The following ME3 variants were observed in gnomAD, a reference collection of about 807,000 sequenced individuals.
ME3 encodes malic enzyme 3.
Under a neutral mutation model 68.9 loss-of-function variants are expected in ME3, and 48 were observed. That is an observed-to-expected ratio of 0.70 (90% CI 0.55 to 0.89). The LOEUF (loss-of-function observed/expected upper bound fraction) is 0.89. Among genes scored for constraint, ME3 ranks in the 40% least tolerant of loss-of-function variants. ME3 has a pLI of 0.00. For missense variants in ME3, 675 were observed against 797.4 expected (o/e 0.85, Z 1.85); for synonymous variants, 320 against 318.8 (o/e 1.00, Z -0.04).
At chr11:86,665,775 A>G (rs952624375) in intron 2 of ME3, among the ~76,000 whole-genome samples, 1 of 152,188 alleles carries the variant, frequency 6.6e-6, no homozygotes, top group Non-Finnish European at 1.5e-5. Context: ...GCTGGATTCC[A>G]GATTTAGTCT....
chr11:86,659,162 C>T (rs751677149), intron 2 of ME3, among the ~76,000 whole-genome samples: 1 of 152,190 alleles, frequency 6.6e-6, no homozygotes, highest in Non-Finnish European at 1.5e-5. Context: ...CAGAAACGGA[C>T]ACACAGGAGC....
chr11:86,565,952 C>T (rs996059505), intron 2 of ME3, among the ~76,000 whole-genome samples: 30 of 152,234 alleles, frequency 2.0e-4, no homozygotes, highest in African/African-American at 6.5e-4. Context: ...GAATGGGACA[C>T]GTGCAGCCCC....
chr11:86,651,036 G>C (rs895904723), intron 2 of ME3, among the ~76,000 whole-genome samples: 1 of 152,210 alleles, frequency 6.6e-6, no homozygotes, highest in Admixed American at 6.5e-5. Context: ...AGGTGGCAGC[G>C]AGGCTGGGGG....
chr11:86,637,349 C>CAAAAAAAA (rs11402713), intron 2 of ME3, among the ~76,000 whole-genome samples: 3 of 122,078 alleles, frequency 2.5e-5, no homozygotes, highest in Non-Finnish European at 3.4e-5. Context: ...ACAAGAAGCA[C>CAAAAAAAA]AAAAAAAAAA....
chr11:86,650,903 G>T (rs1344242639), intron 2 of ME3, among the ~76,000 whole-genome samples: 5 of 152,192 alleles, frequency 3.3e-5, no homozygotes, highest in Non-Finnish European at 5.9e-5. Context: ...CCCTAATACT[G>T]CACTTTTCCA....
At chr11:86,565,227 A>G (rs1469553295) in intron 2 of ME3, among the ~76,000 whole-genome samples, 4 of 152,176 alleles carry the variant, frequency 2.6e-5, no homozygotes, top group African/African-American at 9.7e-5. Context: ...CCCCTAGGAA[A>G]CAAGTGTTGA....
At chr11:86,660,563 T>G (rs1222862524) in intron 2 of ME3, among the ~76,000 whole-genome samples, 1 of 152,200 alleles carries the variant, frequency 6.6e-6, no homozygotes, top group Non-Finnish European at 1.5e-5. Flanking sequence ...ATTGGAATCT[T>G]AGATTGTTCT....
At chr11:86,541,971 T>C (rs905143094) in intron 4 of ME3, among the ~76,000 whole-genome samples, 1 of 152,176 alleles carries the variant, frequency 6.6e-6, no homozygotes, top group Non-Finnish European at 1.5e-5. Flanking sequence ...GCAGCAATTT[T>C]TGCTGGTCTG....
At chr11:86,448,727 G>GT (rs1949461144) in intron 10 of ME3, among the ~76,000 whole-genome samples, 1 of 152,146 alleles carries the variant, frequency 6.6e-6, no homozygotes, top group African/African-American at 2.4e-5. Context: ...CTCCAGGAAG[G>GT]TCTTAGAATG....
At chr11:86,637,820 A>C (rs894655377) in intron 2 of ME3, among the ~76,000 whole-genome samples, 1 of 152,184 alleles carries the variant, frequency 6.6e-6, no homozygotes. Context: ...TACGGAGACC[A>C]TAGAAATGTC....
intron 2 of ME3, among the ~76,000 whole-genome samples, chr11:86,588,081 G>A (rs547535159): frequency 1.1e-4 from 17 of 152,294 alleles, no homozygotes; most frequent in African/African-American, 3.6e-4. Flanking sequence ...CATATTAATT[G>A]TATGCCTTAC....
chr11:86,623,701 T>C (rs1251702029), intron 2 of ME3, among the ~76,000 whole-genome samples: 2 of 152,234 alleles, frequency 1.3e-5, no homozygotes, highest in Non-Finnish European at 2.9e-5. Flanking sequence ...AGCAATGTTA[T>C]AGAAATAACA....
chr11:86,462,834 CAG>C (rs1167697095), intron 8 of ME3, among the ~76,000 whole-genome samples: 1 of 152,098 alleles, frequency 6.6e-6, no homozygotes, highest in Non-Finnish European at 1.5e-5. Context: ...ACTGAGGGAA[CAG>C]GGGCTGATGG....
In ME3 at chr11:86,598,695, AC is replaced by A. The variant is rs536894010; in HGVS notation, c.184-38873del. Among the ~76,000 whole-genome samples the A allele has an allele frequency of 2.3e-3, 349 of 152,142 alleles. 1 individual carries two copies. The highest frequency in any genetic ancestry group is 4.0e-3 in the Non-Finnish European group (270 of 68,000). ...CCCCCAAGCAGCCTAACTGGGAGGC[AC>A]CCCCCAGTAGGGGCAGACTAACACC... On this transcript the variant is annotated intron_variant, in intron 2 of 14. Coordinates refer to ENST00000543262, the Ensembl canonical transcript of ME3.
chr11:86,570,364 T>C (rs903344944), intron 2 of ME3, among the ~76,000 whole-genome samples: 39 of 152,144 alleles, frequency 2.6e-4, no homozygotes, highest in African/African-American at 9.4e-4. Flanking sequence ...TCCTCCTCCT[T>C]GTGCATATTC....
intron 2 of ME3, among the ~76,000 whole-genome samples, chr11:86,592,422 AATGTAAATGG>A (rs1328893586): frequency 6.6e-6 from 1 of 152,354 alleles, no homozygotes; most frequent in African/African-American, 2.4e-5. Flanking sequence ...TTGGAAGAAT[AATGTAAATGG>A]AATCCATCTT....
At chr11:86,447,006 A>T in intron 12 of ME3, 59 bp downstream of exon 12, 1 of 1,579,166 alleles carries the variant, frequency 6.3e-7, no homozygotes, top group Non-Finnish European at 8.6e-7. Flanking sequence ...TCATGAGGTT[A>T]CTCATTGTAA....
chr11:86,656,638 A>G (rs570026786), intron 2 of ME3, among the ~76,000 whole-genome samples: 1 of 151,576 alleles, frequency 6.6e-6, no homozygotes, highest in Non-Finnish European at 1.5e-5. Context: ...TAGGAGATAT[A>G]CCTAATGTTA....
chr11:86,669,570 G>A (rs1378645090), intron 2 of ME3, among the ~76,000 whole-genome samples: 3 of 152,142 alleles, frequency 2.0e-5, no homozygotes, highest in Admixed American at 6.5e-5. Flanking sequence ...ATCAGGTCTC[G>A]TGAGAACTCA....
Sources: gnomAD v4.1 joint callset for allele counts (sites outside exome capture counted in the v4.1 genomes callset) on GRCh38, gnomAD v4.1.1 for gene constraint, MANE v1.5 for transcripts, NCBI Gene and HGNC (gene_info 2026-07-23, HGNC 2026-07-21) for gene names.